Variants in DMRTA2 observed in about 807,000 individuals in gnomAD.
DMRTA2 encodes the protein doublesex- and mab-3-related transcription factor A2.
DMRTA2 carries 10 observed loss-of-function variants against 29.7 expected under a neutral mutation model. The observed-to-expected ratio is 0.34, with a 90% CI of 0.21 to 0.57. The LOEUF is 0.57. Ranked by LOEUF, DMRTA2 falls within the 20% of genes least tolerant of loss-of-function variation. The probability of loss-of-function intolerance (pLI) is 0.87; values close to 1 mark genes in which losing one functional copy is unlikely to be tolerated. For missense variants in DMRTA2, 783 were observed against 812.1 expected (o/e 0.96, Z 0.44); for synonymous variants, 469 against 402.6 (o/e 1.16, Z -1.97).
rs1453601255 is a variant in DMRTA2 at position 50,419,184 on chromosome 1, C to T, written c.1110G>A (p.Lys370=). The change falls in exon 3 of 3, where the codon AAG becomes AAA. Residue 370 remains lysine (K), a synonymous_variant. Coordinates refer to ENST00000404795, the MANE Select transcript of DMRTA2 (RefSeq NM_032110.3). This position sits in a 1 kb window ranked among gnomAD's most constrained non-coding sequence, Gnocchi z 6.1. The stretch of plus-strand genomic sequence containing the variant: ...CAGCTGCTGCAGCACCCACGGCGGC[C>T]TTATCTGGGGGCGCCGCAGGGCCCA... The part of the protein sequence containing the change: ...AGLGPAAPPD[K]AAVGAAAAAD... 6 of 1,350,672 alleles carry T rather than the reference C, an allele frequency of 4.4e-6. No homozygotes were observed. Among genetic ancestry groups the T allele is most frequent in the Admixed American group, 3.9e-5 (1 of 25,942 alleles). 83.7% of individuals were successfully genotyped at this position (1,350,672 alleles called of 1,614,324 possible).
At position 50,422,351 on chromosome 1, in the gene DMRTA2, T is replaced by C. The variant is rs547867782; in HGVS notation, c.-9+765A>G. Among the ~76,000 whole-genome samples the C allele has an allele frequency of 1.8e-4, 27 of 152,216 alleles. No homozygotes were observed. The highest frequency in any genetic ancestry group is 1.6e-3 in the Admixed American group (24 of 15,292). ...ACTGGGAAGTATTAAAGAGAAAAATTCGGCCAAAGAAACTTTCTGTATAGG... is the reference window on the plus strand; with the variant it reads ...ACTGGGAAGTATTAAAGAGAAAAATCCGGCCAAAGAAACTTTCTGTATAGG... On this transcript the variant is annotated intron_variant, in intron 1 of 2. Coordinates refer to ENST00000404795, the MANE Select transcript of DMRTA2 (RefSeq NM_032110.3). The surrounding 1 kb of genome is among the most constrained non-coding windows in gnomAD (Gnocchi z 5.7).
In DMRTA2 at chr1:50,419,141, T is replaced by G; in HGVS notation, c.1153A>C (p.Ser385Arg). 5.5e-6 allele frequency: 6 copies of G among 1,089,036 alleles called. No individual in the cohort carries two copies. Among genetic ancestry groups the G allele is most frequent in the Admixed American group, 5.3e-5 (1 of 18,936 alleles). The allele number at this position is 1,089,036 out of a possible 1,614,324, so 67.5% of individuals were successfully genotyped here. The change falls in exon 3 of 3, where the codon AGC (serine) becomes CGC (arginine). Residue 385 changes from serine to arginine, a missense_variant. Physicochemically the swap from Ser to Arg is moderately radical, Grantham distance 110. Coordinates refer to ENST00000404795, the MANE Select transcript of DMRTA2 (RefSeq NM_032110.3). The surrounding 1 kb of genome is among the most constrained non-coding windows in gnomAD (Gnocchi z 6.1). ...AAAAADDAWPSRVDAAAAAAA... is the reference protein window; with the variant it reads ...AAAAADDAWPRRVDAAAAAAA... Reference sequence around the variant, plus strand: ...GCGGCGGCGGCGGCGTCGACGCGGCTGGGCCACGCGTCGTCTGCAGCTGCT... The same window carrying G: ...GCGGCGGCGGCGGCGTCGACGCGGCGGGGCCACGCGTCGTCTGCAGCTGCT...
Position 50,418,764 on chromosome 1 carries a change from A to C in DMRTA2, c.1530T>G (p.Arg510=), listed in dbSNP as rs771311480. The change falls in exon 3 of 3, where the codon CGT becomes CGG. Residue 510 remains arginine, a synonymous_variant. Coordinates refer to ENST00000404795, the MANE Select transcript of DMRTA2 (RefSeq NM_032110.3). ...PMDYAFSDLM[R]DRSAAAAAAV... ...CCGCAGCAGCGGCGGCCGAGCGGTC[A>C]CGCATGAGATCGCTAAAGGCGTAGT... 1 of 1,581,174 alleles carries C rather than the reference A, an allele frequency of 6.3e-7. No individual in the cohort carries two copies. The highest frequency in any genetic ancestry group is 1.4e-5 in the African/African-American group (1 of 72,088).
chr1:50,422,047 A>G lies in DMRTA2; in HGVS notation c.-8-503T>C. On this transcript the variant is annotated intron_variant, in intron 1 of 2. Coordinates refer to ENST00000404795, the MANE Select transcript of DMRTA2 (RefSeq NM_032110.3). The surrounding 1 kb of genome is among the most constrained non-coding windows in gnomAD (Gnocchi z 5.7). The stretch of plus-strand genomic sequence containing the variant: ...AACGGTCAGTTTGGTGGAAGGGTGA[A>G]GAGGAGAGAGATGTGAAGGCGCAGA... Among the ~76,000 whole-genome samples, 1 of 152,214 alleles carries G rather than the reference A, an allele frequency of 6.6e-6. No homozygotes were observed. Among genetic ancestry groups the G allele is most frequent in the East Asian group, 1.9e-4 (1 of 5,196 alleles).
Position 50,421,476 on chromosome 1 carries a change from C to A in DMRTA2, c.61G>T (p.Ala21Ser). The change falls in exon 2 of 3, where the codon GCG becomes TCG. Residue 21 changes from alanine to serine, a missense_variant. By Grantham distance (99) the Ala-to-Ser change is moderately conservative. This residue lies in a region of DMRTA2 where 40 missense variants were observed against 34.7 expected (regional missense o/e 1.15). Coordinates refer to ENST00000404795, the MANE Select transcript of DMRTA2 (RefSeq NM_032110.3). This position sits in a 1 kb window ranked among gnomAD's most constrained non-coding sequence, Gnocchi z 8.7. The stretch of plus-strand genomic sequence containing the variant: ...ACCGACGCCACAGGCGGCCCCGTCG[C>A]TGTTGCCGCCGCCGCCGTCGCCGCG... ...PGAATAAAAT[A>S]TGPPVASVAS... The A allele has an allele frequency of 7.8e-7, 1 of 1,277,142 alleles. No homozygotes were observed. The allele number at this position is 1,277,142 out of a possible 1,614,324, so 79.1% of individuals were successfully genotyped here.
rs1348349230 is a variant in DMRTA2, at chr1:50,420,540, A to G, written c.559+438T>C. 6.7e-6 allele frequency among the ~76,000 whole-genome samples: 1 copy of G among 148,424 alleles called. No homozygotes were observed. Among genetic ancestry groups the G allele is most frequent in the Non-Finnish European group, 1.5e-5 (1 of 67,850 alleles). Reference sequence around the variant, plus strand: ...GGGAAAAGAAACTAGGGCGTCTCAGAACCTAGGGCGTCTCAAAACCTAGGG... The same window carrying G: ...GGGAAAAGAAACTAGGGCGTCTCAGGACCTAGGGCGTCTCAAAACCTAGGG... On this transcript the variant is annotated intron_variant, in intron 2 of 2. Coordinates refer to ENST00000404795, the MANE Select transcript of DMRTA2 (RefSeq NM_032110.3). This position sits in a 1 kb window ranked among gnomAD's most constrained non-coding sequence, Gnocchi z 4.1.
In DMRTA2 at chr1:50,422,328, T is replaced by C. The variant is rs1024309112; in HGVS notation, c.-8-784A>G. Among the ~76,000 whole-genome samples the C allele has an allele frequency of 6.6e-6, 1 of 152,118 alleles. No individual in the cohort carries two copies. The highest frequency in any genetic ancestry group is 1.5e-5 in the Non-Finnish European group (1 of 68,022). ...ATGTATGTGGAATTTAGCTTAGGAC[T>C]GGGAAGTATTAAAGAGAAAAATTCG... On this transcript the variant is annotated intron_variant, in intron 1 of 2. Transcript: ENST00000404795. The surrounding 1 kb of genome is among the most constrained non-coding windows in gnomAD (Gnocchi z 5.7).
rs149934673 is a variant in DMRTA2, at chr1:50,422,854, G to A, written c.-9+262C>T. Among the ~76,000 whole-genome samples, 1,606 of 152,244 alleles carry A rather than the reference G, an allele frequency of 0.011. 30 individuals carry two copies. Among genetic ancestry groups the A allele is most frequent in the African/African-American group, 0.037 (1,547 of 41,540 alleles). ...CGGACACCAGAGTCCCTCCCACGCC[G>A]CAGCCCCATAAGGCCCAAGCAGGCC... On this transcript the variant is annotated intron_variant, in intron 1 of 2. Transcript: ENST00000404795. The surrounding 1 kb of genome is among the most constrained non-coding windows in gnomAD (Gnocchi z 5.7).
rs1307488255 is a variant in DMRTA2 at position 50,419,067 on chromosome 1, C to T, written c.1227G>A (p.Gly409=). The change falls in exon 3 of 3, where the codon GGG becomes GGA. Residue 409 remains glycine, a synonymous_variant. Coordinates refer to ENST00000404795, the MANE Select transcript of DMRTA2 (RefSeq NM_032110.3). The surrounding 1 kb of genome is among the most constrained non-coding windows in gnomAD (Gnocchi z 6.1). ...GTCTGTGGTGCGGAGGTGCGGCGGG[C>T]CCCGCCTGCAGCGGCGCAGGCAGCC... The part of the protein sequence containing the change: ...GPGLPAPLQA[G]PAAPPHHRPL... The T allele has an allele frequency of 2.3e-6, 3 of 1,276,810 alleles. No homozygotes were observed. The highest frequency in any genetic ancestry group is 3.0e-6 in the Non-Finnish European group (3 of 1,014,940). The allele number at this position is 1,276,810 out of a possible 1,614,324, so 79.1% of individuals were successfully genotyped here. A position where few individuals can be genotyped will look rare whatever the true frequency, so the allele number is the denominator to read the frequency against.
At position 50,421,027 on chromosome 1, in the gene DMRTA2, C is replaced by T. The variant is rs1034095866; in HGVS notation, c.510G>A (p.Ala170=). The part of the protein sequence containing the change: ...VCAADGGGPG[A]GAPAGTGGGA... ...CGCCTCCGGTCCCCGCGGGCGCTCC[C>T]GCTCCAGGTCCCCCGCCGTCGGCGG... Residue 170 remains alanine, a synonymous_variant, in exon 2 of 3, where the codon GCG becomes GCA. Coordinates refer to ENST00000404795, the MANE Select transcript of DMRTA2 (RefSeq NM_032110.3). The surrounding 1 kb of genome is among the most constrained non-coding windows in gnomAD (Gnocchi z 8.7). 10 of 1,509,098 alleles carry T rather than the reference C, an allele frequency of 6.6e-6. No individual in the cohort carries two copies. The highest frequency in any genetic ancestry group is 8.8e-6 in the Non-Finnish European group (10 of 1,135,578). The allele number at this position is 1,509,098 out of a possible 1,614,324, so 93.5% of individuals were successfully genotyped here.
Position 50,419,505 on chromosome 1 carries a change from G to A in DMRTA2, c.789C>T (p.Cys263=), listed in dbSNP as rs1237420792. 2.5e-6 allele frequency: 4 copies of A among 1,591,302 alleles called. No individual in the cohort carries two copies. In the African/African-American group the frequency reaches 5.4e-5, roughly 22 times the overall value. Residue 263 remains cysteine (C), a synonymous_variant, in exon 3 of 3, where the codon TGC becomes TGT. Coordinates refer to ENST00000404795, the MANE Select transcript of DMRTA2 (RefSeq NM_032110.3). The surrounding 1 kb of genome is among the most constrained non-coding windows in gnomAD (Gnocchi z 6.1). ...CGCCGCCAGGGCCAGCGCTGCCTGGGCAGCTGCCACCTGCCTCTTTGGAGG... is the reference window on the plus strand; with the variant it reads ...CGCCGCCAGGGCCAGCGCTGCCTGGACAGCTGCCACCTGCCTCTTTGGAGG... ...ARASKEAGGS[C]PGSAGPGGGG... is the part of the protein sequence containing the mutation.
Position 50,419,431 on chromosome 1 carries a change from G to A in DMRTA2, c.863C>T (p.Ser288Phe). The A allele has an allele frequency of 6.3e-7, 1 of 1,598,660 alleles. No individual in the cohort carries two copies. The highest frequency in any genetic ancestry group is 8.5e-7 in the Non-Finnish European group (1 of 1,178,986). The change falls in exon 3 of 3, where the codon TCC (serine) becomes TTC (phenylalanine). Residue 288 changes from serine to phenylalanine, a missense_variant. Transcript: ENST00000404795. This position sits in a 1 kb window ranked among gnomAD's most constrained non-coding sequence, Gnocchi z 6.1. ...PGSASPLGSESGSEADKEEGE... is the reference protein window; with the variant it reads ...PGSASPLGSEFGSEADKEEGE... ...CTCTTCTTTGTCAGCCTCTGAACCG[G>A]ATTCAGAGCCCAGAGGGCTAGCGGA...
In DMRTA2 at chr1:50,421,162, C is replaced by T; in HGVS notation, c.375G>A (p.Glu125=). ...LRRQQAQEEN[E]ARELQLLYGT... ...CGTAGAGCAGCTGCAGCTCGCGCGC[C>T]TCGTTCTCCTCCTGCGCCTGCTGCC... is the stretch of plus-strand genomic sequence containing the variant. Residue 125 remains glutamate, a synonymous_variant, in exon 2 of 3, where the codon GAG becomes GAA. Coordinates refer to ENST00000404795, the MANE Select transcript of DMRTA2 (RefSeq NM_032110.3). The surrounding 1 kb of genome is among the most constrained non-coding windows in gnomAD (Gnocchi z 8.7). The T allele has an allele frequency of 6.5e-7, 1 of 1,535,704 alleles. No individual in the cohort carries two copies.
rs902651695 is a variant in DMRTA2, at chr1:50,423,423, C to G, written c.-316G>C. On this transcript the variant is annotated 5_prime_UTR_variant, in exon 1 of 3. Coordinates refer to ENST00000404795, the MANE Select transcript of DMRTA2 (RefSeq NM_032110.3). ...TGCGCGCAGCCGGGGCCCAGTTGCC[C>G]GGCGCTGCCAGACTCTCAATGAGCC... 1.3e-5 allele frequency: 2 copies of G among 152,226 alleles called. No homozygotes were observed. The highest frequency in any genetic ancestry group is 1.5e-5 in the Non-Finnish European group (1 of 68,028). 9.4% of individuals were successfully genotyped at this position (152,226 alleles called of 1,614,324 possible).
At position 50,420,338 on chromosome 1, in the gene DMRTA2, T is replaced by C. The variant is rs1646026562; in HGVS notation, c.560-604A>G. Among the ~76,000 whole-genome samples, 1 of 151,512 alleles carries C rather than the reference T, an allele frequency of 6.6e-6. No individual in the cohort carries two copies. Among genetic ancestry groups the C allele is most frequent in the African/African-American group, 2.4e-5 (1 of 41,178 alleles). On this transcript the variant is annotated intron_variant, in intron 2 of 2. Transcript: ENST00000404795. This position sits in a 1 kb window ranked among gnomAD's most constrained non-coding sequence, Gnocchi z 4.1. Reference sequence around the variant, plus strand: ...AACGGCTCTGGCCTAATTTCTTCCCTCCCCACAAAAAGCCACGGGGGTCCA... The same window carrying C: ...AACGGCTCTGGCCTAATTTCTTCCCCCCCCACAAAAAGCCACGGGGGTCCA...
rs1646019094 is a variant in DMRTA2 at position 50,419,462 on chromosome 1, G to C, written c.832C>G (p.Pro278Ala). Residue 278 changes from proline to alanine, a missense_variant, in exon 3 of 3, where the codon CCG becomes GCG. Transcript: ENST00000404795. The surrounding 1 kb of genome is among the most constrained non-coding windows in gnomAD (Gnocchi z 6.1). ...GPGGGGEEDS[P>A]GSASPLGSES... Reference sequence around the variant, plus strand: ...GAGCCCAGAGGGCTAGCGGAGCCCGGGCTGTCCTCCTCGCCGCCGCCGCCA... The same window carrying C: ...GAGCCCAGAGGGCTAGCGGAGCCCGCGCTGTCCTCCTCGCCGCCGCCGCCA... 1.3e-6 allele frequency: 2 copies of C among 1,597,478 alleles called. No individual in the cohort carries two copies. The highest frequency in any genetic ancestry group is 3.4e-5 in the Admixed American group (2 of 59,486).
In DMRTA2 at chr1:50,421,049, G is replaced by A. The variant is rs949128211; in HGVS notation, c.488C>T (p.Ala163Val). The change falls in exon 2 of 3, where the codon GCC becomes GTC. Residue 163 changes from alanine to valine, a missense_variant. This residue lies in a region of DMRTA2 where 667 missense variants were observed against 624.8 expected (regional missense o/e 1.07). Coordinates refer to ENST00000404795, the MANE Select transcript of DMRTA2 (RefSeq NM_032110.3). This position sits in a 1 kb window ranked among gnomAD's most constrained non-coding sequence, Gnocchi z 8.7. ...AYEVFGSVCA[A>V]DGGGPGAGAP... ...TCCCGCTCCAGGTCCCCCGCCGTCG[G>A]CGGCGCACACTGAACCGAAGACCTC... 2.0e-6 allele frequency: 3 copies of A among 1,513,020 alleles called. No individual in the cohort carries two copies. The African/African-American group carries it at 4.3e-5, about 22-fold the overall frequency. The allele number at this position is 1,513,020 out of a possible 1,614,324, so 93.7% of individuals were successfully genotyped here. A position where few individuals can be genotyped will look rare whatever the true frequency, so the allele number is the denominator to read the frequency against.
In DMRTA2 at chr1:50,419,117, C is replaced by T; in HGVS notation, c.1177G>A (p.Ala393Thr). 1 of 1,190,256 alleles carries T rather than the reference C, an allele frequency of 8.4e-7. No individual in the cohort carries two copies. Among genetic ancestry groups the T allele is most frequent in the Non-Finnish European group, 1.0e-6 (1 of 965,962 alleles). The allele number at this position is 1,190,256 out of a possible 1,614,324, so 73.7% of individuals were successfully genotyped here. The change falls in exon 3 of 3, where the codon GCC becomes ACC. Residue 393 changes from alanine (A) to threonine (T), a missense_variant. Coordinates refer to ENST00000404795, the MANE Select transcript of DMRTA2 (RefSeq NM_032110.3). This position sits in a 1 kb window ranked among gnomAD's most constrained non-coding sequence, Gnocchi z 6.1. ...CCAGGCCCCCCGGCGGCGGCGGCGG[C>T]GGCGGCGGCGGCGTCGACGCGGCTG... ...WPSRVDAAAA[A>T]AAAAGGPGLP...
rs909503412 is a variant in DMRTA2 at position 50,419,186 on chromosome 1, T to C, written c.1108A>G (p.Lys370Glu). ...AGLGPAAPPD[K>E]AAVGAAAAAD... ...GCTGCTGCAGCACCCACGGCGGCCT[T>C]ATCTGGGGGCGCCGCAGGGCCCAGG... The change falls in exon 3 of 3, where the codon AAG becomes GAG. Residue 370 changes from lysine to glutamate, a missense_variant. This residue lies in a region of DMRTA2 where 667 missense variants were observed against 624.8 expected (regional missense o/e 1.07). Transcript: ENST00000404795. This position sits in a 1 kb window ranked among gnomAD's most constrained non-coding sequence, Gnocchi z 6.1. 1.5e-5 allele frequency: 20 copies of C among 1,325,986 alleles called. No individual in the cohort carries two copies. The highest frequency in any genetic ancestry group is 1.9e-5 in the Non-Finnish European group (20 of 1,042,124). 82.1% of individuals were successfully genotyped at this position (1,325,986 alleles called of 1,614,324 possible).
Sources: gnomAD v4.1 joint callset for allele counts (sites outside exome capture counted in the v4.1 genomes callset) on GRCh38, gnomAD v4.1.1 for gene constraint, gnomAD v4.1.1 regional missense constraint, Gnocchi (gnomAD v3.1) non-coding constraint, MANE v1.5 for transcripts, NCBI Gene and HGNC (gene_info 2026-07-23, HGNC 2026-07-21) for gene names.